The following PLXDC1 variants were observed in gnomAD, a reference collection of about 807,000 sequenced individuals.
The protein encoded by PLXDC1 is plexin domain containing 1.
A neutral mutation model predicts 61.3 loss-of-function variants in PLXDC1; 39 were observed. That is an observed-to-expected ratio of 0.64 (90% CI 0.49 to 0.83). The LOEUF is 0.83. Among genes scored for constraint, PLXDC1 ranks in the 40% least tolerant of loss-of-function variants. PLXDC1 has a pLI of 0.00. For synonymous variants in PLXDC1, 212 were observed against 254.5 expected (o/e 0.83, Z 1.59); for missense variants, 596 against 666.5 (o/e 0.89, Z 1.17).
intron 7 of PLXDC1, among the ~76,000 whole-genome samples, chr17:39,105,019 G>A (rs565400376): frequency 2.0e-5 from 3 of 152,296 alleles, no homozygotes; most frequent in African/African-American, 4.8e-5. Context: ...GCTCCCAAGC[G>A]TGTCCTTCCG....
intron 2 of PLXDC1, among the ~76,000 whole-genome samples, chr17:39,118,367 C>A (rs1332235838): frequency 1.3e-5 from 2 of 151,952 alleles, no homozygotes; most frequent in Non-Finnish European, 2.9e-5. Flanking sequence ...CCACACCCAG[C>A]TAATTTTGTA....
At position 39,119,774 on chromosome 17, in the gene PLXDC1, A is replaced by T. The variant is rs561316058; in HGVS notation, c.256-10383T>A. 1.3e-4 allele frequency among the ~76,000 whole-genome samples: 20 copies of T among 152,204 alleles called. No homozygotes were observed. The South Asian group carries it at 2.5e-3, about 19-fold the overall frequency. ...AAAATTTTTTTTTAACTTCATTTTTAAAAAGAATATGAATGAGAAGAGAGA... is the reference window on the plus strand; with the variant it reads ...AAAATTTTTTTTTAACTTCATTTTTTAAAAGAATATGAATGAGAAGAGAGA... On this transcript the variant is annotated intron_variant, in intron 2 of 13. Coordinates refer to ENST00000315392, the MANE Select transcript of PLXDC1 (RefSeq NM_020405.5).
At chr17:39,083,364 C>T (rs538014573) in intron 9 of PLXDC1, 95 bp downstream of exon 9, 1 of 887,728 alleles carries the variant, frequency 1.1e-6, no homozygotes, top group Non-Finnish European at 1.9e-6. Flanking sequence ...CTCATGTTGG[C>T]TGACTGTGGG....
intron 1 of PLXDC1, among the ~76,000 whole-genome samples, chr17:39,143,461 A>G (rs578248052): frequency 6.6e-6 from 1 of 152,290 alleles, no homozygotes; most frequent in South Asian, 2.1e-4. Context: ...GAGTTCCCCC[A>G]GGATTCTCTC....
intron 2 of PLXDC1, among the ~76,000 whole-genome samples, chr17:39,135,647 C>T (rs1911723102): frequency 6.7e-6 from 1 of 149,838 alleles, no homozygotes; most frequent in Admixed American, 6.7e-5. Flanking sequence ...CCACTCATTC[C>T]AGCCTGGGCA....
chr17:39,132,690 T>C (rs1414825053), intron 2 of PLXDC1, among the ~76,000 whole-genome samples: 2 of 151,950 alleles, frequency 1.3e-5, no homozygotes. Flanking sequence ...GAGGGCTGAA[T>C]GGAGGCAGCT....
intron 7 of PLXDC1, among the ~76,000 whole-genome samples, chr17:39,103,883 G>A (rs1013373990): frequency 2.7e-5 from 4 of 150,614 alleles, no homozygotes; most frequent in Non-Finnish European, 4.4e-5. Flanking sequence ...TCATGGAAAT[G>A]GCAAAAATCT....
At chr17:39,084,909 C>T (rs1598188980) in intron 8 of PLXDC1, among the ~76,000 whole-genome samples, 1 of 152,228 alleles carries the variant, frequency 6.6e-6, no homozygotes, top group Non-Finnish European at 1.5e-5. Flanking sequence ...CAGATGACCT[C>T]TGAGCGGCAA....
chr17:39,072,606 G>A, intron 11 of PLXDC1, 121 bp from the exon 12 acceptor site: 1 of 722,736 alleles, frequency 1.4e-6, no homozygotes, highest in Non-Finnish European at 2.5e-6. Flanking sequence ...GGAAACTGAG[G>A]CTCAGAGAGG....
chr17:39,078,154 C>T, intron 10 of PLXDC1, 106 bp from the exon 11 acceptor site: 2 of 1,170,624 alleles, frequency 1.7e-6, no homozygotes, highest in South Asian at 1.6e-5. Context: ...TGCTTCAAAT[C>T]CTTCCTCAAG....
intron 1 of PLXDC1, among the ~76,000 whole-genome samples, chr17:39,143,188 A>G (rs1911991385): frequency 6.6e-6 from 1 of 152,172 alleles, no homozygotes; most frequent in South Asian, 2.1e-4. Flanking sequence ...CTTCAAAAAG[A>G]TTTATGCCCC....
chr17:39,093,950 A>G (rs1910051279), intron 7 of PLXDC1, among the ~76,000 whole-genome samples: 1 of 152,106 alleles, frequency 6.6e-6, no homozygotes, highest in East Asian at 1.9e-4. Context: ...GCATGTGCAC[A>G]CCCCAGCCCT....
chr17:39,091,166 C>T (rs1909934677), intron 7 of PLXDC1, among the ~76,000 whole-genome samples: 1 of 152,198 alleles, frequency 6.6e-6, no homozygotes, highest in Non-Finnish European at 1.5e-5. Flanking sequence ...CTTTTGCCAC[C>T]ACTGGAGAAT....
Position 39,084,841 on chromosome 17 carries a change from C to T in PLXDC1, c.908-1301G>A, listed in dbSNP as rs114119508. On this transcript the variant is annotated intron_variant, in intron 8 of 13. Transcript: ENST00000315392. The stretch of plus-strand genomic sequence containing the variant: ...AGCAGGGCAGGGGGCGCAGTAGGCA[C>T]GGGGGCTGGATTTAAGAGCTGTTCA... 8.3e-3 allele frequency among the ~76,000 whole-genome samples: 1,270 copies of T among 152,252 alleles called. 22 individuals are homozygous for T. The highest frequency in any genetic ancestry group is 0.028 in the African/African-American group (1,183 of 41,538).
intron 2 of PLXDC1, among the ~76,000 whole-genome samples, chr17:39,129,890 A>C (rs1451127165): frequency 6.6e-6 from 1 of 152,218 alleles, no homozygotes; most frequent in Non-Finnish European, 1.5e-5. Context: ...CTAAATGTCT[A>C]TCAATAAATA....
chr17:39,149,044 T>C (rs545850092), intron 1 of PLXDC1, among the ~76,000 whole-genome samples: 1 of 152,208 alleles, frequency 6.6e-6, no homozygotes, highest in South Asian at 2.1e-4. Context: ...GACTGTCAGT[T>C]CCCTGGGCCC....
At chr17:39,098,678 A>G (rs779567395) in intron 7 of PLXDC1, among the ~76,000 whole-genome samples, 7 of 152,198 alleles carry the variant, frequency 4.6e-5, no homozygotes, top group Non-Finnish European at 8.8e-5. Context: ...CGTGAATTCC[A>G]CTGCATGGCG....
rs906126291 is a variant in PLXDC1 at position 39,151,571 on chromosome 17, G to T, written c.-134C>A. ...GGGCGGCGAGGAGACGGCGGAGCGC[G>T]GGGCCGGGCGAGCCGGCAGGAGCGG... is the stretch of plus-strand genomic sequence containing the variant. On this transcript the variant is annotated 5_prime_UTR_variant, in exon 1 of 14. Transcript: ENST00000315392. The surrounding 1 kb of genome is among the most constrained non-coding windows in gnomAD (Gnocchi z 5.2). 22 of 1,189,408 alleles carry T rather than the reference G, an allele frequency of 1.8e-5. No individual in the cohort carries two copies. In the Admixed American group the frequency reaches 2.3e-4, roughly 12 times the overall value. 73.7% of individuals were successfully genotyped at this position (1,189,408 alleles called of 1,614,324 possible). A position where few individuals can be genotyped will look rare whatever the true frequency, so the allele number is the denominator to read the frequency against.
intron 11 of PLXDC1, 40 bp from the exon 12 acceptor site, chr17:39,072,525 T>A: frequency 1.6e-6 from 2 of 1,245,396 alleles, no homozygotes; most frequent in Non-Finnish European, 2.3e-6. Context: ...ATTAGTGGAA[T>A]CATTACAGCC....
Sources: allele counts gnomAD v4.1 joint callset (sites outside exome capture counted in the v4.1 genomes callset), GRCh38; gene constraint gnomAD v4.1.1; non-coding constraint Gnocchi (gnomAD v3.1); transcripts MANE v1.5; gene names NCBI Gene and HGNC (gene_info 2026-07-23, HGNC 2026-07-21).